GATAD2A: variants seen among roughly 807,000 people sequenced by gnomAD.
GATAD2A encodes the protein transcriptional repressor p66-alpha.
In GATAD2A, 12 loss-of-function variants were observed where a neutral mutation model predicts 68.5. The ratio of observed to expected loss-of-function variants is 0.18; its 90% CI spans 0.11 to 0.28. The LOEUF (loss-of-function observed/expected upper bound fraction) is 0.28, where lower values mean the gene tolerates loss of function less well. Among genes scored for constraint, GATAD2A ranks in the 10% least tolerant of loss-of-function variants. The pLI is 1.00. For synonymous variants in GATAD2A, 410 were observed against 375.3 expected (o/e 1.09, Z -1.07); for missense variants, 755 against 868.5 (o/e 0.87, Z 1.64).
At chr19:19,465,065 C>T (rs781493495) in intron 1 of GATAD2A, 2 of 538,506 alleles carry the variant, frequency 3.7e-6, no homozygotes, top group Non-Finnish European at 6.7e-6. Context: ...CAGCACCCTG[C>T]TGCCTCTGGC....
chr19:19,448,890 C>T (rs1482344488), intron 1 of GATAD2A, among the ~76,000 whole-genome samples: 1 of 152,182 alleles, frequency 6.6e-6, no homozygotes, highest in African/African-American at 2.4e-5. Flanking sequence ...GACAGGCTTT[C>T]ATCTCGTGTT....
rs1481964410 is a variant in GATAD2A, at chr19:19,442,407, T to G, written c.-6-22933T>G. ...TCGGGAGGCTGAGGCAGGTGGATCA[T>G]TTGAGGTCAGGAGTTCAAGACCAGC... is the stretch of plus-strand genomic sequence containing the variant. On this transcript the variant is annotated intron_variant, in intron 1 of 11. Transcript: ENST00000683918. Among the ~76,000 whole-genome samples, 11 of 151,810 alleles carry G rather than the reference T, an allele frequency of 7.2e-5. No homozygotes were observed. In the East Asian group the frequency reaches 2.2e-3, roughly 30 times the overall value.
In GATAD2A at chr19:19,499,206, G is replaced by A. The variant is rs938165031; in HGVS notation, c.1204+484G>A. On this transcript the variant is annotated intron_variant, in intron 8 of 11. Transcript: ENST00000683918. ...CGTGGGAGTGCACTGTGTCCTGGGG[G>A]ATTTAGGAATAAAAAGACATCTACG... 3.9e-5 allele frequency among the ~76,000 whole-genome samples: 6 copies of A among 152,298 alleles called. No homozygotes were observed. In the South Asian group the frequency reaches 8.3e-4, roughly 21 times the overall value.
At chr19:19,413,542 C>T (rs749009915) in intron 1 of GATAD2A, among the ~76,000 whole-genome samples, 1 of 152,060 alleles carries the variant, frequency 6.6e-6, no homozygotes, top group Non-Finnish European at 1.5e-5. Context: ...TCTCTTATAG[C>T]CACTCTAACC....
At chr19:19,472,320 C>T (rs919780671) in intron 2 of GATAD2A, 2 of 151,760 alleles carry the variant, frequency 1.3e-5, no homozygotes, top group African/African-American at 2.4e-5. Context: ...ATGGAAATAG[C>T]TTGATTTGTT....
chr19:19,497,302 G>T (rs183565496), intron 7 of GATAD2A, among the ~76,000 whole-genome samples: 21 of 152,318 alleles, frequency 1.4e-4, no homozygotes, highest in Admixed American at 1.0e-3. Context: ...CACCATGTTG[G>T]CCAGGCTGGC....
intron 1 of GATAD2A, among the ~76,000 whole-genome samples, chr19:19,394,135 G>A (rs1048693256): frequency 6.6e-6 from 1 of 151,958 alleles, no homozygotes. Context: ...CAATCCTCCC[G>A]CCTAGGCCTC....
chr19:19,482,655 G>A (rs2059136623), intron 2 of GATAD2A, among the ~76,000 whole-genome samples: 1 of 152,166 alleles, frequency 6.6e-6, no homozygotes, highest in African/African-American at 2.4e-5. Flanking sequence ...GCTGTGGAGA[G>A]GATTATGTGG....
chr19:19,415,663 G>T (rs1286381042), intron 1 of GATAD2A, among the ~76,000 whole-genome samples: 2 of 146,382 alleles, frequency 1.4e-5, no homozygotes, highest in Non-Finnish European at 3.0e-5. Context: ...TTGTCACCAG[G>T]CTGGAGGGCA....
chr19:19,466,690 C>G (rs1238218972), intron 2 of GATAD2A, among the ~76,000 whole-genome samples: 1 of 152,238 alleles, frequency 6.6e-6, no homozygotes, highest in Admixed American at 6.5e-5. Context: ...CTCCTGTTGA[C>G]AAAGCCTCCT....
intron 2 of GATAD2A, among the ~76,000 whole-genome samples, chr19:19,474,497 T>C (rs186981247): frequency 6.6e-6 from 1 of 152,330 alleles, no homozygotes; most frequent in Non-Finnish European, 1.5e-5. Flanking sequence ...TCAGTGCTCT[T>C]TGGGGTCCGG....
chr19:19,388,285 A>G (rs746467845), intron 1 of GATAD2A, among the ~76,000 whole-genome samples: 2 of 151,666 alleles, frequency 1.3e-5, no homozygotes, highest in Non-Finnish European at 2.9e-5. Flanking sequence ...TCGAACTCCC[A>G]ACCTCAGGTG....
chr19:19,502,310 A>AC, intron 10 of GATAD2A, 21 bp from the exon 11 acceptor site: 3 of 1,577,010 alleles, frequency 1.9e-6, no homozygotes, highest in Non-Finnish European at 8.7e-7. Context: ...ATGAGCCGTC[A>AC]CCCCCCTTTC....
chr19:19,424,378 A>T (rs2052806393), intron 1 of GATAD2A, among the ~76,000 whole-genome samples: 1 of 152,076 alleles, frequency 6.6e-6, no homozygotes, highest in African/African-American at 2.4e-5. Flanking sequence ...CATAGGCATG[A>T]GCCAGCATGC....
Position 19,508,134 on chromosome 19 carries a change from G to A in GATAD2A, c.*2660G>A, listed in dbSNP as rs544652355. 2 of 152,272 alleles carry A rather than the reference G, an allele frequency of 1.3e-5. No individual in the cohort carries two copies. Among genetic ancestry groups the A allele is most frequent in the African/African-American group, 4.8e-5 (2 of 41,532 alleles). 9.4% of individuals were successfully genotyped at this position (152,272 alleles called of 1,614,324 possible). On this transcript the variant is annotated 3_prime_UTR_variant, in exon 12 of 12. Coordinates refer to ENST00000683918, the MANE Select transcript of GATAD2A (RefSeq NM_001384528.1). ...GCCCAACTGATTGTAACTGTCCCCT[G>A]TTACCTGTGACATGAACCTCCAACA... is the stretch of plus-strand genomic sequence containing the variant.
In GATAD2A at chr19:19,453,680, A is replaced by ATT. The variant is rs36010983; in HGVS notation, c.-6-11647_-6-11646dup. Among the ~76,000 whole-genome samples the ATT allele has an allele frequency of 3.5e-3, 497 of 143,162 alleles. 3 individuals are homozygous for ATT. The highest frequency in any genetic ancestry group is 0.017 in the South Asian group (78 of 4,512). The allele number at this position is 143,162 out of a possible 152,430, so 93.9% of individuals were successfully genotyped here. On this transcript the variant is annotated intron_variant, in intron 1 of 11. Transcript: ENST00000683918. ...CTGGCTATTTTTTAATTTTTTTAAA[A>ATT]TTTTTTTTTTTTTTGAGACGGAGTC...
intron 9 of GATAD2A, among the ~76,000 whole-genome samples, 171 bp from the exon 10 acceptor site, chr19:19,501,798 A>G (rs1568343114): frequency 6.6e-6 from 1 of 151,982 alleles, no homozygotes; most frequent in Non-Finnish European, 1.5e-5. Flanking sequence ...CCTTTTGGCA[A>G]TTTTTGTTTT....
At chr19:19,456,190 A>G (rs941187373) in intron 1 of GATAD2A, among the ~76,000 whole-genome samples, 3 of 151,332 alleles carry the variant, frequency 2.0e-5, no homozygotes, top group Admixed American at 6.6e-5. Context: ...AAGTTTGCCA[A>G]CTCTTGCATT....
At chr19:19,436,660 A>G (rs2054387933) in intron 1 of GATAD2A, among the ~76,000 whole-genome samples, 2 of 152,204 alleles carry the variant, frequency 1.3e-5, no homozygotes, top group South Asian at 4.1e-4. Flanking sequence ...CCTCATGGCA[A>G]AGCTAAGCTG....
Sources: gnomAD v4.1 joint callset for allele counts (sites outside exome capture counted in the v4.1 genomes callset) on GRCh38, gnomAD v4.1.1 for gene constraint, MANE v1.5 for transcripts, NCBI Gene and HGNC (gene_info 2026-07-23, HGNC 2026-07-21) for gene names.